Variants in CHRM2 observed in about 807,000 individuals in gnomAD.
CHRM2 encodes cholinergic receptor muscarinic 2, also known as muscarinic acetylcholine receptor M2.
In CHRM2, 8 loss-of-function variants were observed where a neutral mutation model predicts 25.0. The ratio of observed to expected loss-of-function variants is 0.32; its 90% CI spans 0.19 to 0.58. CHRM2 has a LOEUF of 0.58. CHRM2 is among the 20% of genes least tolerant of loss of function. The probability of loss-of-function intolerance (pLI) is 0.88; values close to 1 mark genes in which losing one functional copy is unlikely to be tolerated. For missense variants in CHRM2, 440 were observed against 567.1 expected (o/e 0.78, Z 2.28); for synonymous variants, 202 against 205.7 (o/e 0.98, Z 0.15).
At chr7:136,883,321 A>C (rs1348321290) in intron 2 of CHRM2, among the ~76,000 whole-genome samples, 2 of 152,164 alleles carry the variant, frequency 1.3e-5, no homozygotes, top group Non-Finnish European at 2.9e-5. Context: ...GTAGTGGATA[A>C]GTATATTCAG....
chr7:136,918,477 T>C (rs1301075723), intron 2 of CHRM2, among the ~76,000 whole-genome samples: 1 of 152,170 alleles, frequency 6.6e-6, no homozygotes, highest in Non-Finnish European at 1.5e-5. Context: ...CATACTCCTG[T>C]GTTCACCCAT....
intron 2 of CHRM2, among the ~76,000 whole-genome samples, chr7:136,983,792 G>C (rs1254415777): frequency 1.3e-5 from 2 of 152,148 alleles, no homozygotes; most frequent in African/African-American, 2.4e-5. Flanking sequence ...ATTGCTGCCT[G>C]CTCCTTCCTC....
chr7:136,958,392 C>T (rs1800851726), intron 2 of CHRM2, among the ~76,000 whole-genome samples: 1 of 149,576 alleles, frequency 6.7e-6, no homozygotes. Context: ...TTCTATTGTA[C>T]TTCTTACATC....
intron 2 of CHRM2, among the ~76,000 whole-genome samples, chr7:136,904,688 C>T (rs1261474036): frequency 6.7e-6 from 1 of 150,098 alleles, no homozygotes; most frequent in Non-Finnish European, 1.5e-5. Context: ...GATACTTCTT[C>T]TTTAATATTG....
At chr7:137,007,575 C>G (rs1804529788) in intron 3 of CHRM2, among the ~76,000 whole-genome samples, 1 of 151,934 alleles carries the variant, frequency 6.6e-6, no homozygotes, top group Admixed American at 6.6e-5. Flanking sequence ...AAAGGAAAAC[C>G]AGATTAAAAG....
chr7:136,886,572 T>C (rs1796473458), intron 2 of CHRM2, among the ~76,000 whole-genome samples: 1 of 152,114 alleles, frequency 6.6e-6, no homozygotes, highest in Non-Finnish European at 1.5e-5. Flanking sequence ...GCGGTTCTAA[T>C]TGAAAAATTC....
chr7:136,985,113 T>C (rs934115084), intron 2 of CHRM2, among the ~76,000 whole-genome samples: 5 of 152,128 alleles, frequency 3.3e-5, no homozygotes, highest in Admixed American at 6.5e-5. Context: ...GAAACCCTAA[T>C]GCCAATGCTG....
At chr7:136,935,352 G>T (rs980517956) in intron 2 of CHRM2, among the ~76,000 whole-genome samples, 1 of 152,154 alleles carries the variant, frequency 6.6e-6, no homozygotes, top group African/African-American at 2.4e-5. Context: ...GGTCAGATAA[G>T]GTACCAGAAT....
intron 2 of CHRM2, among the ~76,000 whole-genome samples, chr7:136,955,770 A>G (rs1800688831): frequency 6.6e-6 from 1 of 152,208 alleles, no homozygotes; most frequent in Non-Finnish European, 1.5e-5. Context: ...CTAATTTTTG[A>G]AAAATATTAT....
chr7:136,928,580 A>C (rs1305130175), intron 2 of CHRM2, among the ~76,000 whole-genome samples: 1 of 152,208 alleles, frequency 6.6e-6, no homozygotes, highest in African/African-American at 2.4e-5. Flanking sequence ...TGATTGAGTT[A>C]GCAGTGTGAC....
chr7:137,008,738 G>A (rs1319420288), intron 3 of CHRM2, among the ~76,000 whole-genome samples: 2 of 152,052 alleles, frequency 1.3e-5, no homozygotes, highest in African/African-American at 4.8e-5. Context: ...AACATTAGGT[G>A]AATTCCTCTT....
chr7:136,953,907 T>C (rs1035484912), intron 2 of CHRM2, among the ~76,000 whole-genome samples: 5 of 152,112 alleles, frequency 3.3e-5, no homozygotes, highest in Non-Finnish European at 5.9e-5. Flanking sequence ...GCACTGCCTC[T>C]GACTGGCACA....
intron 2 of CHRM2, among the ~76,000 whole-genome samples, chr7:136,960,666 A>G (rs1361759552): frequency 2.6e-5 from 4 of 152,250 alleles, no homozygotes; most frequent in Admixed American, 6.5e-5. Context: ...TTGACAAAAC[A>G]TGCTTGAAGG....
At chr7:136,937,186 G>A (rs888587465) in intron 2 of CHRM2, among the ~76,000 whole-genome samples, 8 of 152,116 alleles carry the variant, frequency 5.3e-5, no homozygotes, top group South Asian at 2.1e-4. Flanking sequence ...GAATGACATC[G>A]CTTTCAATAG....
intron 3 of CHRM2, among the ~76,000 whole-genome samples, chr7:136,995,760 T>A (rs1408880927): frequency 6.6e-6 from 1 of 151,930 alleles, no homozygotes. Flanking sequence ...AGCAAGAACC[T>A]GTCTCTAAAT....
chr7:136,926,325 T>C (rs1167222804), intron 2 of CHRM2, among the ~76,000 whole-genome samples: 8 of 152,140 alleles, frequency 5.3e-5, no homozygotes, highest in African/African-American at 1.9e-4. Context: ...ATTAATTTAG[T>C]TGACATATTT....
chr7:136,902,540 C>G (rs1177257550), intron 2 of CHRM2: 1 of 152,308 alleles, frequency 6.6e-6, no homozygotes, highest in African/African-American at 2.4e-5. Context: ...CTAGATGACT[C>G]TTATGAACTC....
intron 2 of CHRM2, among the ~76,000 whole-genome samples, chr7:136,898,556 T>C (rs764129964): frequency 1.3e-5 from 2 of 151,932 alleles, no homozygotes; most frequent in African/African-American, 2.4e-5. Context: ...TAACAGATTA[T>C]GCAGAGACCT....
At chr7:136,936,459 A>G (rs1221803277) in intron 2 of CHRM2, among the ~76,000 whole-genome samples, 1 of 152,170 alleles carries the variant, frequency 6.6e-6, no homozygotes, top group African/African-American at 2.4e-5. Flanking sequence ...AGACACCTAA[A>G]TGGTCTGTTA....
Sources: gnomAD v4.1 joint callset for allele counts (sites outside exome capture counted in the v4.1 genomes callset) on GRCh38, gnomAD v4.1.1 for gene constraint, MANE v1.5 for transcripts, NCBI Gene and HGNC (gene_info 2026-07-23, HGNC 2026-07-21) for gene names.